The following PCDHGB3 variants were observed in gnomAD, a reference collection of about 807,000 sequenced individuals.
PCDHGB3 encodes the protein protocadherin gamma-B3.
Under a neutral mutation model 59.2 loss-of-function variants are expected in PCDHGB3, and 40 were observed. The observed-to-expected ratio is 0.68, with a 90% confidence interval of 0.52 to 0.88. The LOEUF (loss-of-function observed/expected upper bound fraction) is 0.88, where lower values mean the gene tolerates loss of function less well. Among genes scored for constraint, PCDHGB3 ranks in the 40% least tolerant of loss-of-function variants. The pLI is 0.00. For missense variants in PCDHGB3, 1,309 were observed against 1,187.9 expected, an observed-to-expected ratio of 1.10 and a Z score of -1.50; for synonymous variants, 581 against 503.6, an observed-to-expected ratio of 1.15 and a Z score of -2.06.
chr5:141,506,435 G>A (rs1470687416), intron 3 of PCDHGB3, among the ~76,000 whole-genome samples: 7 of 126,234 alleles, frequency 5.5e-5, no homozygotes, highest in African/African-American at 2.0e-4. Context: ...CAACAGTCTC[G>A]CTCTGTCTCA....
intron 1 of PCDHGB3, chr5:141,404,633 G>C: frequency 6.2e-7 from 1 of 1,614,170 alleles, no homozygotes; most frequent in Non-Finnish European, 8.5e-7. Flanking sequence ...CAATGCCCCA[G>C]AAATCCTGTA....
intron 1 of PCDHGB3, chr5:141,478,270 C>G (rs1347709530): frequency 5.6e-6 from 9 of 1,614,078 alleles, no homozygotes; most frequent in Non-Finnish European, 6.8e-6. Context: ...TCAAAGTTTA[C>G]AAGTGGAAGC....
rs2099417733 is a variant in PCDHGB3, at chr5:141,477,771, G to C, written c.2416-17036G>C. ...ACCCCGGTCCTAGCCACCAACATCAGCGTGAACATATTTGTCACTGATCGC... is the reference window on the plus strand; with the variant it reads ...ACCCCGGTCCTAGCCACCAACATCACCGTGAACATATTTGTCACTGATCGC... On this transcript the variant is annotated intron_variant, in intron 1 of 3. Transcript: ENST00000576222. This position sits in a 1 kb window ranked among gnomAD's most constrained non-coding sequence, Gnocchi z 4.9. 3 of 1,613,992 alleles carry C rather than the reference G, an allele frequency of 1.9e-6. No homozygotes were observed. The highest frequency in any genetic ancestry group is 3.3e-4 in the Middle Eastern group (2 of 6,062).
rs191916514 is a variant in PCDHGB3, at chr5:141,456,716, G to A, written c.2416-38091G>A. 3.9e-3 allele frequency among the ~76,000 whole-genome samples: 589 copies of A among 152,314 alleles called. 5 individuals carry two copies. Among genetic ancestry groups the A allele is most frequent in the Admixed American group, 0.011 (169 of 15,300 alleles). On this transcript the variant is annotated intron_variant, in intron 1 of 3. Transcript: ENST00000576222. ...GTGGTGGCTCGCGCCTGTAATCCCA[G>A]CACTTTGGGAGGCTGAGGCGGGAGC...
intron 1 of PCDHGB3, chr5:141,376,323 G>C: frequency 2.5e-6 from 4 of 1,614,162 alleles, no homozygotes; most frequent in Non-Finnish European, 3.4e-6. Flanking sequence ...GAAGGGGTTC[G>C]GGCTTTCCTG....
At chr5:141,510,799 C>G in intron 3 of PCDHGB3, 148 bp from the exon 4 acceptor site, 1 of 1,481,460 alleles carries the variant, frequency 6.8e-7, no homozygotes. Context: ...TGAAGAGAGA[C>G]TACCTTGGTG....
chr5:141,383,369 C>G, intron 1 of PCDHGB3: 1 of 1,613,978 alleles, frequency 6.2e-7, no homozygotes, highest in Non-Finnish European at 8.5e-7. Flanking sequence ...TTAAGCGAGG[C>G]TGGGGATCCA....
At chr5:141,385,430 A>G (rs1781192913) in intron 1 of PCDHGB3, 1 of 1,458,668 alleles carries the variant, frequency 6.9e-7, no homozygotes. Context: ...AAAACTTTAT[A>G]GAGGTAAAAA....
intron 1 of PCDHGB3, chr5:141,423,559 G>T: frequency 6.2e-7 from 1 of 1,613,584 alleles, no homozygotes; most frequent in Non-Finnish European, 8.5e-7. Flanking sequence ...CAACTATGGG[G>T]ACACGCTCAT....
Position 141,486,294 on chromosome 5 carries a change from T to C in PCDHGB3, c.2416-8513T>C, listed in dbSNP as rs764106041. The C allele has an allele frequency of 1.2e-6, 2 of 1,614,036 alleles. No homozygotes were observed. The highest frequency in any genetic ancestry group is 1.7e-6 in the Non-Finnish European group (2 of 1,179,998). On this transcript the variant is annotated intron_variant, in intron 1 of 3. Transcript: ENST00000576222. The surrounding 1 kb of genome is among the most constrained non-coding windows in gnomAD (Gnocchi z 5.0). ...GGCACTGTGGTGGCACTTATCAGTG[T>C]GCAGGATCCAGACTCAGGGTCAAAC...
chr5:141,384,022 G>C, intron 1 of PCDHGB3: 3 of 1,613,680 alleles, frequency 1.9e-6, no homozygotes, highest in Non-Finnish European at 2.5e-6. Context: ...ACAAGACAGA[G>C]ATTCTGGAAA....
chr5:141,438,641 C>CAT (rs2098042490), intron 1 of PCDHGB3, among the ~76,000 whole-genome samples: 2 of 79,354 alleles, frequency 2.5e-5, no homozygotes, highest in Non-Finnish European at 4.5e-5. Context: ...TATATACACA[C>CAT]ACACACACAC....
At chr5:141,502,484 G>A (rs962659219) in intron 2 of PCDHGB3, among the ~76,000 whole-genome samples, 1 of 152,000 alleles carries the variant, frequency 6.6e-6, no homozygotes. Context: ...CATCACACTG[G>A]GACTCATCTA....
intron 1 of PCDHGB3, chr5:141,403,479 A>G: frequency 1.2e-6 from 2 of 1,613,848 alleles, no homozygotes; most frequent in Non-Finnish European, 1.7e-6. Flanking sequence ...AGCCCCAATC[A>G]CCACTTCTCC....
Position 141,371,953 on chromosome 5 carries a change from T to G in PCDHGB3, c.1559T>G (p.Phe520Cys). Reference sequence around the variant, plus strand: ...GGGGTGGTGTTCGCGCAGCGAGCCTTCGACCACGAGCAGCTGCGTGCCTTC... The same window carrying G: ...GGGGTGGTGTTCGCGCAGCGAGCCTGCGACCACGAGCAGCTGCGTGCCTTC... ...RSGVVFAQRA[F>C]DHEQLRAFEL... The change falls in exon 1 of 4, where the codon TTC becomes TGC. Residue 520 changes from phenylalanine to cysteine, a missense_variant. Phe to Cys is a radical substitution (Grantham distance 205, BLOSUM62 -2). Transcript: ENST00000576222. 6.2e-7 allele frequency: 1 copy of G among 1,613,260 alleles called. No homozygotes were observed. The highest frequency in any genetic ancestry group is 1.1e-5 in the South Asian group (1 of 91,070).
chr5:141,375,766 G>A, intron 1 of PCDHGB3: 2 of 1,614,270 alleles, frequency 1.2e-6, no homozygotes, highest in Non-Finnish European at 1.7e-6. Flanking sequence ...ATGCGCCCGA[G>A]ATCCTGTACC....
intron 1 of PCDHGB3, among the ~76,000 whole-genome samples, chr5:141,435,604 A>T (rs1361568996): frequency 6.6e-6 from 1 of 152,180 alleles, no homozygotes. Flanking sequence ...CCTGCTTTTT[A>T]CATTAAATTC....
chr5:141,443,183 TTCTC>T (rs2098370937), intron 1 of PCDHGB3, among the ~76,000 whole-genome samples: 1 of 152,184 alleles, frequency 6.6e-6, no homozygotes, highest in Non-Finnish European at 1.5e-5. Context: ...CACTGCATCA[TTCTC>T]TATAGTACAA....
At chr5:141,408,097 C>T (rs2095040197) in intron 1 of PCDHGB3, 5 of 1,434,516 alleles carry the variant, frequency 3.5e-6, no homozygotes, top group Non-Finnish European at 3.7e-6. Context: ...TTGCCAGCTC[C>T]GAGACCCGGG....
Sources: allele counts gnomAD v4.1 joint callset (sites outside exome capture counted in the v4.1 genomes callset), GRCh38; gene constraint gnomAD v4.1.1; non-coding constraint Gnocchi (gnomAD v3.1); transcripts MANE v1.5; gene names NCBI Gene and HGNC (gene_info 2026-07-23, HGNC 2026-07-21).